The following PAK1 variants were observed in gnomAD, a reference collection of about 807,000 sequenced individuals.
PAK1 encodes serine/threonine-protein kinase PAK 1.
A neutral mutation model predicts 67.4 loss-of-function variants in PAK1; 29 were observed. The ratio of observed to expected loss-of-function variants is 0.43; its 90% CI spans 0.32 to 0.59. PAK1 has a LOEUF of 0.59. Ranked by LOEUF, PAK1 falls within the 20% of genes least tolerant of loss-of-function variation. The pLI is 0.07. For synonymous variants in PAK1, 223 were observed against 237.4 expected, an observed-to-expected ratio of 0.94 and a Z score of 0.56; for missense variants, 337 against 670.7, an observed-to-expected ratio of 0.50 and a Z score of 5.50.
At chr11:77,477,014 G>A (rs1361507735), upstream of PAK1, 1 of 152,090 alleles carries the variant, frequency 6.6e-6, no homozygotes, top group South Asian at 2.1e-4. Context: ...AAATAAATGT[G>A]TATTGTTTTA....
intron 2 of PAK1, among the ~76,000 whole-genome samples, chr11:77,387,304 C>T (rs539876982): frequency 1.4e-4 from 22 of 152,308 alleles, no homozygotes; most frequent in South Asian, 8.3e-4. Flanking sequence ...AACTCCTGAC[C>T]TCAAGTGATC....
chr11:77,365,269 G>A (rs6592716), intron 5 of PAK1, among the ~76,000 whole-genome samples: 93,123 of 129,688 alleles, frequency 0.72, 35,920 homozygotes, highest in African/African-American at 0.87. Flanking sequence ...AAAAAAAAAA[G>A]AAAAAAGAAA....
chr11:77,448,326 C>T (rs768568848), intron 1 of PAK1, among the ~76,000 whole-genome samples: 4 of 152,140 alleles, frequency 2.6e-5, no homozygotes, highest in Non-Finnish European at 5.9e-5. Context: ...TTATTGACCA[C>T]CTGGTATTTG....
upstream of PAK1, chr11:77,476,959 A>G (rs1958066903): frequency 6.6e-6 from 1 of 152,210 alleles, no homozygotes; most frequent in Non-Finnish European, 1.5e-5. Flanking sequence ...TTAAGCCTAG[A>G]GACAAGAGTG....
chr11:77,350,409 G>A (rs1189126391), intron 8 of PAK1, among the ~76,000 whole-genome samples: 2 of 152,088 alleles, frequency 1.3e-5, no homozygotes, highest in Non-Finnish European at 2.9e-5. Context: ...GAGAAGGGGG[G>A]AAGAAATGCA....
chr11:77,520,005 C>CG, the PAK1 span, among the ~76,000 whole-genome samples: 4 of 151,932 alleles, frequency 2.6e-5, no homozygotes, highest in South Asian at 4.2e-4. Context: ...GCCTGTGGCC[C>CG]CCCCCTCCGC....
chr11:77,394,086 T>A (rs751326776), intron 1 of PAK1, among the ~76,000 whole-genome samples: 1 of 152,216 alleles, frequency 6.6e-6, no homozygotes, highest in Non-Finnish European at 1.5e-5. Flanking sequence ...ATAAACGTCC[T>A]TGACAATGGA....
At chr11:77,462,989 T>TG (rs1957429277) in intron 1 of PAK1, among the ~76,000 whole-genome samples, 18 of 24,812 alleles carry the variant, frequency 7.3e-4, no homozygotes, top group East Asian at 1.3e-3. Context: ...AAAAGGTGGG[T>TG]GGGGGTGGGG....
At chr11:77,398,900 T>C (rs1952210866) in intron 1 of PAK1, among the ~76,000 whole-genome samples, 1 of 152,238 alleles carries the variant, frequency 6.6e-6, no homozygotes, top group Admixed American at 6.5e-5. Context: ...AATATAAAAA[T>C]GTTATTAGCA....
At chr11:77,355,555 T>G (rs747924455) in intron 7 of PAK1, 113 bp downstream of exon 7, 32 of 809,460 alleles carry the variant, frequency 4.0e-5, no homozygotes, top group Middle Eastern at 3.5e-4. Context: ...AGTCTGTGCC[T>G]AAGGTACCAA....
At chr11:77,503,545 A>G in the PAK1 span, among the ~76,000 whole-genome samples, 5 of 152,242 alleles carry the variant, frequency 3.3e-5, no homozygotes, top group African/African-American at 9.6e-5. Context: ...AATATTAGCC[A>G]TATTAGAAAT....
chr11:77,405,674 G>GACACAC (rs1555167119), intron 1 of PAK1, among the ~76,000 whole-genome samples: 201 of 125,952 alleles, frequency 1.6e-3, no homozygotes, highest in East Asian at 6.5e-3. Context: ...CAGACAGACA[G>GACACAC]ACACACACAC....
At chr11:77,527,171 C>T in the PAK1 span, among the ~76,000 whole-genome samples, 2,927 of 152,040 alleles carry the variant, frequency 0.019, 90 homozygotes, top group African/African-American at 0.066. Context: ...GGCATGATCT[C>T]GGCTCACTGC....
intron 1 of PAK1, among the ~76,000 whole-genome samples, chr11:77,463,884 A>G (rs1164104222): frequency 6.6e-6 from 1 of 152,170 alleles, no homozygotes; most frequent in African/African-American, 2.4e-5. Context: ...GCATTATCCA[A>G]CTGAAAGATA....
chr11:77,483,690 T>C, the PAK1 span, among the ~76,000 whole-genome samples: 2 of 152,222 alleles, frequency 1.3e-5, no homozygotes, highest in Non-Finnish European at 2.9e-5. Flanking sequence ...TTTTCTGGTA[T>C]GTAAATTATA....
At chr11:77,336,336 A>T in intron 12 of PAK1, 54 bp from the exon 13 acceptor site, 1 of 1,386,336 alleles carries the variant, frequency 7.2e-7, no homozygotes, top group Non-Finnish European at 1.0e-6. Context: ...CACTCACTTC[A>T]GTAAGTGTTG....
the PAK1 span, among the ~76,000 whole-genome samples, chr11:77,507,135 C>T: frequency 1.3e-5 from 2 of 152,156 alleles, no homozygotes; most frequent in Non-Finnish European, 2.9e-5. Context: ...CACAGCTGGT[C>T]AGCAGCATGT....
At chr11:77,348,570 C>T (rs1161935362) in intron 9 of PAK1, among the ~76,000 whole-genome samples, 1 of 152,172 alleles carries the variant, frequency 6.6e-6, no homozygotes, top group East Asian at 1.9e-4. Context: ...TCAGATTTCT[C>T]CCCCAAGCCC....
At chr11:77,355,936 C>A (rs1945976664) in intron 6 of PAK1, 94 bp from the exon 7 acceptor site, 2 of 719,870 alleles carry the variant, frequency 2.8e-6, no homozygotes, top group Non-Finnish European at 4.8e-6. Context: ...ACAGAGCAAA[C>A]CCCAATAAAC....
Sources: gnomAD v4.1 joint callset for allele counts (sites outside exome capture counted in the v4.1 genomes callset) on GRCh38, gnomAD v4.1.1 for gene constraint, MANE v1.5 for transcripts, NCBI Gene and HGNC (gene_info 2026-07-23, HGNC 2026-07-21) for gene names.